The following DDX10 variants were observed in gnomAD, a reference collection of about 807,000 sequenced individuals.
The protein encoded by DDX10 is probable ATP-dependent RNA helicase DDX10.
In DDX10, 74 loss-of-function variants were observed where a neutral mutation model predicts 104.3. The ratio of observed to expected loss-of-function variants is 0.71; its 90% confidence interval spans 0.59 to 0.86. The LOEUF is 0.86. DDX10 is among the 40% of genes least tolerant of loss of function. The pLI, the probability that DDX10 is intolerant of heterozygous loss-of-function variation, is 0.00. For missense variants in DDX10, 952 were observed against 1,040.0 expected (o/e 0.92, Z 1.16); for synonymous variants, 351 against 353.4 (o/e 0.99, Z 0.08).
intron 14 of DDX10, among the ~76,000 whole-genome samples, chr11:108,838,767 T>G (rs1240509123): frequency 6.6e-6 from 1 of 152,244 alleles, no homozygotes; most frequent in Non-Finnish European, 1.5e-5. Flanking sequence ...GCCGAGATAC[T>G]TCTTGGTAAT....
At chr11:108,753,125 A>C (rs1591809570) in intron 13 of DDX10, among the ~76,000 whole-genome samples, 2 of 149,884 alleles carry the variant, frequency 1.3e-5, no homozygotes, top group Admixed American at 6.7e-5. Context: ...AATGCATAAA[A>C]TTTCTGCAAA....
At chr11:108,697,945 A>C (rs1367484504) in intron 9 of DDX10, among the ~76,000 whole-genome samples, 1 of 152,178 alleles carries the variant, frequency 6.6e-6, no homozygotes, top group East Asian at 1.9e-4. Context: ...TTCCCCCAGA[A>C]TAGTAGAAGA....
At chr11:108,689,859 G>C (rs1261575509) in intron 7 of DDX10, among the ~76,000 whole-genome samples, 2 of 152,156 alleles carry the variant, frequency 1.3e-5, no homozygotes, top group East Asian at 3.8e-4. Context: ...TTTCTCTCTA[G>C]CTTATGGGAA....
At chr11:108,790,969 G>A (rs996894825) in intron 13 of DDX10, among the ~76,000 whole-genome samples, 2 of 152,132 alleles carry the variant, frequency 1.3e-5, no homozygotes, top group African/African-American at 2.4e-5. Context: ...CTAAGATAGC[G>A]AGAAAAATAT....
intron 13 of DDX10, among the ~76,000 whole-genome samples, chr11:108,795,419 G>A (rs1164390712): frequency 6.6e-6 from 1 of 151,366 alleles, no homozygotes; most frequent in Non-Finnish European, 1.5e-5. Context: ...GTATGCATGT[G>A]CCATGTTGGT....
At chr11:108,934,084 C>T (rs1864007682) in intron 17 of DDX10, among the ~76,000 whole-genome samples, 1 of 152,150 alleles carries the variant, frequency 6.6e-6, no homozygotes, top group South Asian at 2.1e-4. Context: ...GTGAGGGTAA[C>T]CCTAAGAGGG....
intron 13 of DDX10, among the ~76,000 whole-genome samples, chr11:108,797,726 G>A (rs1239311102): frequency 6.6e-6 from 1 of 152,180 alleles, no homozygotes; most frequent in Non-Finnish European, 1.5e-5. Context: ...TTGGCCAACA[G>A]CAAGTAACAC....
intron 17 of DDX10, chr11:108,919,797 T>C (rs1863799894): frequency 1.3e-5 from 2 of 152,222 alleles, no homozygotes; most frequent in Admixed American, 1.3e-4. Context: ...CTTTCATCTG[T>C]GTACAGCAGG....
chr11:108,898,644 TA>T (rs1235658693), intron 16 of DDX10, among the ~76,000 whole-genome samples: 1 of 148,166 alleles, frequency 6.7e-6, no homozygotes, highest in African/African-American at 2.5e-5. Flanking sequence ...TTTCTCCCAT[TA>T]ATCAAAATTT....
At chr11:108,935,259 G>C (rs933043147) in intron 17 of DDX10, among the ~76,000 whole-genome samples, 15 of 152,148 alleles carry the variant, frequency 9.9e-5, no homozygotes, top group African/African-American at 3.1e-4. Flanking sequence ...GGGAATTCCA[G>C]ATGGAGATAA....
intron 13 of DDX10, among the ~76,000 whole-genome samples, chr11:108,741,908 A>G (rs1412983753): frequency 6.6e-6 from 1 of 152,160 alleles, no homozygotes; most frequent in Non-Finnish European, 1.5e-5. Context: ...CCCCAAAGCT[A>G]GAAGAAGAAG....
chr11:108,777,014 A>G (rs1034960115), intron 13 of DDX10, among the ~76,000 whole-genome samples: 1 of 152,200 alleles, frequency 6.6e-6, no homozygotes, highest in Non-Finnish European at 1.5e-5. Context: ...CAGCTTTCTG[A>G]CTTATGGAAT....
At chr11:108,702,178 CAT>C (rs987990039) in intron 9 of DDX10, among the ~76,000 whole-genome samples, 12 of 152,106 alleles carry the variant, frequency 7.9e-5, no homozygotes, top group African/African-American at 2.9e-4. Context: ...GTCTTAAAAA[CAT>C]AGTTTTTTTA....
chr11:108,783,268 A>G (rs1285616773), intron 13 of DDX10, among the ~76,000 whole-genome samples: 1 of 152,206 alleles, frequency 6.6e-6, no homozygotes, highest in East Asian at 1.9e-4. Flanking sequence ...CTTAAAAGTA[A>G]TCAAGAAAGA....
chr11:108,917,374 A>G (rs1443081610), intron 16 of DDX10, among the ~76,000 whole-genome samples: 1 of 152,042 alleles, frequency 6.6e-6, no homozygotes, highest in African/African-American at 2.4e-5. Context: ...AGGATCACTA[A>G]AACAATTTTG....
At chr11:108,740,971 G>T (rs1292941068) in intron 13 of DDX10, among the ~76,000 whole-genome samples, 1 of 152,096 alleles carries the variant, frequency 6.6e-6, no homozygotes, top group East Asian at 1.9e-4. Flanking sequence ...ATCTTGAGTT[G>T]ATTTCTCTTT....
At chr11:108,693,322 T>C (rs1455803266) in intron 8 of DDX10, among the ~76,000 whole-genome samples, 194 bp from the exon 9 acceptor site, 1 of 151,202 alleles carries the variant, frequency 6.6e-6, no homozygotes, top group African/African-American at 2.4e-5. Flanking sequence ...TCATTAATTT[T>C]AGTTCATTTT....
At chr11:108,772,443 A>G (rs1419202235) in intron 13 of DDX10, among the ~76,000 whole-genome samples, 1 of 152,186 alleles carries the variant, frequency 6.6e-6, no homozygotes. Context: ...GGTGGCAGAG[A>G]TTGAAGTGAT....
At chr11:108,932,948 T>C (rs191460630) in intron 17 of DDX10, among the ~76,000 whole-genome samples, 2 of 152,148 alleles carry the variant, frequency 1.3e-5, no homozygotes, top group African/African-American at 4.8e-5. Flanking sequence ...GCATGTCTTA[T>C]GGAACCTGAT....
Sources: allele counts gnomAD v4.1 joint callset (sites outside exome capture counted in the v4.1 genomes callset), GRCh38; gene constraint gnomAD v4.1.1; transcripts MANE v1.5; gene names NCBI Gene and HGNC (gene_info 2026-07-23, HGNC 2026-07-21).